MAN2A1: variants seen among roughly 807,000 people sequenced by gnomAD.
The protein encoded by MAN2A1 is mannosidase alpha class 2A member 1.
Under a neutral mutation model 142.6 loss-of-function variants are expected in MAN2A1, and 76 were observed. The observed-to-expected ratio is 0.53, with a 90% CI of 0.44 to 0.65. The LOEUF (loss-of-function observed/expected upper bound fraction) is 0.65. MAN2A1 is among the 30% of genes least tolerant of loss of function. The probability of loss-of-function intolerance (pLI) is 0.00; values close to 1 mark genes in which losing one functional copy is unlikely to be tolerated. For missense variants in MAN2A1, 1,311 were observed against 1,365.1 expected, an observed-to-expected ratio of 0.96 and a Z score of 0.62; for synonymous variants, 559 against 473.2, an observed-to-expected ratio of 1.18 and a Z score of -2.35.
intron 1 of MAN2A1, among the ~76,000 whole-genome samples, chr5:109,694,206 G>T (rs1750748823): frequency 6.6e-6 from 1 of 152,216 alleles, no homozygotes. Flanking sequence ...TGGAAATTGA[G>T]ACTCCGATGG....
rs540730914 is a variant in MAN2A1, at chr5:109,855,553, C to T, written c.3171+219C>T. Among the ~76,000 whole-genome samples the T allele has an allele frequency of 1.5e-3, 229 of 152,172 alleles. 1 individual carries two copies. Among genetic ancestry groups the T allele is most frequent in the African/African-American group, 4.8e-3 (199 of 41,520 alleles). ...TAATTTACTCTTAAGTTCTGTATGG[C>T]GAGCAGGTCAGGAAATACCATTAGT... On this transcript the variant is annotated intron_variant, in intron 20 of 21. Coordinates refer to ENST00000261483, the MANE Select transcript of MAN2A1 (RefSeq NM_002372.4).
At position 109,690,099 on chromosome 5, in the gene MAN2A1, G is replaced by C. The variant is rs995022326; in HGVS notation, c.-319G>C. The C allele has an allele frequency of 3.4e-6, 1 of 293,014 alleles. No individual in the cohort carries two copies. The highest frequency in any genetic ancestry group is 6.5e-6 in the Non-Finnish European group (1 of 153,154). 18.2% of individuals were successfully genotyped at this position (293,014 alleles called of 1,614,324 possible). On this transcript the variant is annotated 5_prime_UTR_variant, in exon 1 of 22. Coordinates refer to ENST00000261483, the MANE Select transcript of MAN2A1 (RefSeq NM_002372.4). ...GCGGGCAGCGACCTCTCCTCCGCCT[G>C]CCCCGCGCGCCCTGCCGGAGGTCGG... is the stretch of plus-strand genomic sequence containing the variant.
intron 5 of MAN2A1, among the ~76,000 whole-genome samples, chr5:109,758,550 T>C (rs966486832): frequency 2.0e-5 from 3 of 151,506 alleles, no homozygotes; most frequent in African/African-American, 7.3e-5. Context: ...CTTGTGCTTT[T>C]GATGCCATAG....
At chr5:109,754,560 G>T (rs1447508335) in intron 4 of MAN2A1, among the ~76,000 whole-genome samples, 2 of 152,174 alleles carry the variant, frequency 1.3e-5, no homozygotes, top group South Asian at 2.1e-4. Flanking sequence ...ACTTATCAGT[G>T]TCAGAAGGAC....
chr5:109,833,538 C>T (rs984571129), intron 16 of MAN2A1, among the ~76,000 whole-genome samples: 7 of 152,230 alleles, frequency 4.6e-5, no homozygotes, highest in South Asian at 2.1e-4. Context: ...GGCGTGGAGG[C>T]GTGCGCCTGC....
chr5:109,690,601 G>A, intron 1 of MAN2A1, 49 bp downstream of exon 1: 2 of 1,545,718 alleles, frequency 1.3e-6, no homozygotes, highest in Non-Finnish European at 1.7e-6. Context: ...CAGGCGTGCG[G>A]GCCCCTGGTT....
chr5:109,770,253 A>T, intron 6 of MAN2A1, 102 bp from the exon 7 acceptor site: 25 of 1,051,804 alleles, frequency 2.4e-5, no homozygotes, highest in Middle Eastern at 4.8e-4. Flanking sequence ...TTTAGCACAG[A>T]GCTAAATCAG....
chr5:109,827,091 G>A (rs1188434060), intron 16 of MAN2A1, among the ~76,000 whole-genome samples: 1 of 152,178 alleles, frequency 6.6e-6, no homozygotes, highest in Non-Finnish European at 1.5e-5. Flanking sequence ...ATTTGCATGA[G>A]TATTAATGAA....
chr5:109,787,375 C>T (rs563906942), intron 10 of MAN2A1, among the ~76,000 whole-genome samples: 17 of 151,906 alleles, frequency 1.1e-4, no homozygotes, highest in Admixed American at 9.2e-4. Flanking sequence ...TGATTTTTCC[C>T]GAACCGTATT....
chr5:109,784,639 C>A, intron 9 of MAN2A1, 105 bp from the exon 10 acceptor site: 5 of 787,562 alleles, frequency 6.3e-6, no homozygotes, highest in Non-Finnish European at 9.8e-6. Context: ...ATTGCTTGTA[C>A]TGCAATTATG....
chr5:109,842,332 A>G lies in MAN2A1; in HGVS notation c.2571A>G (p.Ile857Met), dbSNP rs1416340913. 6.5e-7 allele frequency: 1 copy of G among 1,542,400 alleles called. No homozygotes were observed. The highest frequency in any genetic ancestry group is 8.8e-7 in the Non-Finnish European group (1 of 1,137,674). The change falls in exon 17 of 22, where the codon ATA (isoleucine) becomes ATG (methionine). Residue 857 changes from isoleucine to methionine, a missense_variant. By Grantham distance (10) the Ile-to-Met change is conservative. Transcript: ENST00000261483. Reference protein sequence around the residue: ...HRVRLYHIQGIEGQSVEVSNI... With the variant: ...HRVRLYHIQGMEGQSVEVSNI... ...TATATATTTTTTTAAATTTAGGAATAGAAGGACAGTCTGTGGAAGTTTCCA... is the reference window on the plus strand; with the variant it reads ...TATATATTTTTTTAAATTTAGGAATGGAAGGACAGTCTGTGGAAGTTTCCA...
intron 1 of MAN2A1, among the ~76,000 whole-genome samples, chr5:109,712,873 T>C (rs1203443191): frequency 2.6e-5 from 4 of 152,204 alleles, no homozygotes; most frequent in African/African-American, 9.6e-5. Flanking sequence ...TGAGGTATTA[T>C]TTTGTATAAC....
intron 8 of MAN2A1, among the ~76,000 whole-genome samples, chr5:109,778,089 A>AT (rs1320474147): frequency 2.0e-5 from 3 of 151,806 alleles, no homozygotes; most frequent in Non-Finnish European, 2.9e-5. Flanking sequence ...CTACCAAAAA[A>AT]AAAAAAATTG....
At chr5:109,698,683 A>G (rs1750884334) in intron 1 of MAN2A1, among the ~76,000 whole-genome samples, 1 of 152,222 alleles carries the variant, frequency 6.6e-6, no homozygotes, top group Non-Finnish European at 1.5e-5. Flanking sequence ...GAAGACTCTA[A>G]ATTTGACCCT....
rs528904483 is a variant in MAN2A1 at position 109,720,383 on chromosome 5, T to G, written c.535+4119T>G. On this transcript the variant is annotated intron_variant, in intron 3 of 21. Coordinates refer to ENST00000261483, the MANE Select transcript of MAN2A1 (RefSeq NM_002372.4). ...GGGTGATTAGGACTTTTTGCTTTTT[T>G]GTGTGTGTAAAATTAAGAAACAGAT... Among the ~76,000 whole-genome samples the G allele has an allele frequency of 3.9e-5, 6 of 152,336 alleles. No individual in the cohort carries two copies. The South Asian group carries it at 6.2e-4, about 16-fold the overall frequency.
In MAN2A1 at chr5:109,842,415, A is replaced by T. The variant is rs764271143; in HGVS notation, c.2654A>T (p.Asp885Val). ...GAGATTGCAATGAAAATTTCTTCTG[A>T]TATAAAAAGCCAAAATAGATTTTAT... ...NREIAMKISS[D>V]IKSQNRFYTD... The change falls in exon 17 of 22, where the codon GAT (aspartate) becomes GTT (valine). Residue 885 changes from aspartate (D) to valine (V), a missense_variant. Transcript: ENST00000261483. 9 of 1,588,768 alleles carry T rather than the reference A, an allele frequency of 5.7e-6. No homozygotes were observed. The highest frequency in any genetic ancestry group is 1.3e-5 in the African/African-American group (1 of 74,206).
chr5:109,842,805 G>GTTTTTTTTTTTTTTT (rs1561539636), intron 17 of MAN2A1, among the ~76,000 whole-genome samples: 1 of 102,318 alleles, frequency 9.8e-6, no homozygotes, highest in Non-Finnish European at 2.0e-5. Context: ...ATACTTATTG[G>GTTTTTTTTTTTTTTT]GTTTTTTTTT....
intron 16 of MAN2A1, among the ~76,000 whole-genome samples, chr5:109,837,104 A>G (rs1272224701): frequency 6.8e-6 from 1 of 147,858 alleles, no homozygotes; most frequent in African/African-American, 2.5e-5. Context: ...TTTTGTTCCT[A>G]GTGCCAGTAT....
intron 12 of MAN2A1, among the ~76,000 whole-genome samples, chr5:109,799,417 T>G (rs1367751098): frequency 6.6e-6 from 1 of 152,144 alleles, no homozygotes; most frequent in Non-Finnish European, 1.5e-5. Flanking sequence ...CTCCATTTTT[T>G]GTTATATTAC....
Sources: allele counts gnomAD v4.1 joint callset (sites outside exome capture counted in the v4.1 genomes callset), GRCh38; gene constraint gnomAD v4.1.1; transcripts MANE v1.5; gene names NCBI Gene and HGNC (gene_info 2026-07-23, HGNC 2026-07-21).